Variants in ZMAT4 observed in about 807,000 individuals in gnomAD.
The protein encoded by ZMAT4 is zinc finger matrin-type protein 4.
Under a neutral mutation model 28.7 loss-of-function variants are expected in ZMAT4, and 17 were observed. That is an observed-to-expected ratio of 0.59 (90% CI 0.41 to 0.89). The LOEUF is 0.89. Among genes scored for constraint, ZMAT4 ranks in the 40% least tolerant of loss-of-function variants. The pLI is 0.00. For synonymous variants in ZMAT4, 117 were observed against 109.2 expected, an observed-to-expected ratio of 1.07 and a Z score of -0.44; for missense variants, 240 against 283.8, an observed-to-expected ratio of 0.85 and a Z score of 1.11.
At chr8:40,715,348 G>C (rs1260192244) in intron 3 of ZMAT4, among the ~76,000 whole-genome samples, 1 of 152,128 alleles carries the variant, frequency 6.6e-6, no homozygotes, top group South Asian at 2.1e-4. Flanking sequence ...CTGGTACCCA[G>C]AGTGAGAGGC....
intron 5 of ZMAT4, among the ~76,000 whole-genome samples, chr8:40,657,805 T>C (rs1345456002): frequency 1.3e-5 from 2 of 152,312 alleles, no homozygotes; most frequent in East Asian, 3.9e-4. Flanking sequence ...CAAGAACTTA[T>C]TGAAGACGTT....
intron 2 of ZMAT4, among the ~76,000 whole-genome samples, chr8:40,818,467 G>A (rs374122375): frequency 4.6e-5 from 7 of 152,142 alleles, no homozygotes; most frequent in East Asian, 1.9e-4. Context: ...AGGATATTAC[G>A]AAGATATTAC....
intron 5 of ZMAT4, among the ~76,000 whole-genome samples, chr8:40,625,704 A>G (rs1806349244): frequency 6.6e-6 from 1 of 152,120 alleles, no homozygotes; most frequent in African/African-American, 2.4e-5. Context: ...TAAGGCTGAG[A>G]TATTTAGTAG....
intron 2 of ZMAT4, among the ~76,000 whole-genome samples, chr8:40,798,073 A>C (rs1023634741): frequency 1.8e-4 from 27 of 152,306 alleles, no homozygotes; most frequent in African/African-American, 6.3e-4. Flanking sequence ...GCAAGAGGGC[A>C]CAGTATGTCG....
At chr8:40,774,492 C>G (rs889404604) in intron 2 of ZMAT4, among the ~76,000 whole-genome samples, 2 of 151,912 alleles carry the variant, frequency 1.3e-5, no homozygotes, top group Admixed American at 6.6e-5. Context: ...TTGTTTGAGT[C>G]AACAATCCTA....
intron 5 of ZMAT4, among the ~76,000 whole-genome samples, chr8:40,640,353 T>C (rs2599652): frequency 0.55 from 83,814 of 151,976 alleles, 24,074 homozygotes; most frequent in East Asian, 0.69. Flanking sequence ...CAGAATCCAA[T>C]AGGTCCATTT....
chr8:40,657,694 T>C (rs56041413), intron 5 of ZMAT4, among the ~76,000 whole-genome samples: 19,242 of 152,200 alleles, frequency 0.13, 1,512 homozygotes, highest in African/African-American at 0.22. Flanking sequence ...AATGAGACAA[T>C]GTATAAAGAA....
At chr8:40,881,479 G>GAAAGAAAGAAAGAA (rs1818238168) in intron 1 of ZMAT4, among the ~76,000 whole-genome samples, 1 of 140,804 alleles carries the variant, frequency 7.1e-6, no homozygotes, top group African/African-American at 2.7e-5. Flanking sequence ...AAGAAAGAAA[G>GAAAGAAAGAAAGAA]AAAGAAAGAA....
At chr8:40,809,276 G>T (rs935024900) in intron 2 of ZMAT4, among the ~76,000 whole-genome samples, 1 of 96,418 alleles carries the variant, frequency 1.0e-5, no homozygotes, top group African/African-American at 3.1e-5. Context: ...CATAAAGATG[G>T]GAACAATGGA....
At chr8:40,860,403 A>AT (rs1395657333) in intron 1 of ZMAT4, among the ~76,000 whole-genome samples, 1 of 152,160 alleles carries the variant, frequency 6.6e-6, no homozygotes, top group Non-Finnish European at 1.5e-5. Context: ...AAAACAGACA[A>AT]TTTTTCACTT....
intron 3 of ZMAT4, among the ~76,000 whole-genome samples, chr8:40,732,316 C>A (rs1172063120): frequency 6.6e-6 from 1 of 152,130 alleles, no homozygotes; most frequent in Admixed American, 6.5e-5. Context: ...GAAGGTCAGA[C>A]CCTGCAGCAG....
At position 40,763,932 on chromosome 8, in the gene ZMAT4, T is replaced by C. The variant is rs144554767; in HGVS notation, c.192+3709A>G. Among the ~76,000 whole-genome samples, 43 of 152,160 alleles carry C rather than the reference T, an allele frequency of 2.8e-4. 1 individual carries two copies. The highest frequency in any genetic ancestry group is 2.6e-4 in the Admixed American group (4 of 15,274). On this transcript the variant is annotated intron_variant, in intron 3 of 6. Coordinates refer to ENST00000297737, the MANE Select transcript of ZMAT4 (RefSeq NM_024645.3). ...AAAATACTGTTTACTTAAAACTGACTTGCGATTTTGGTCAGCAGTTACTTA... is the reference window on the plus strand; with the variant it reads ...AAAATACTGTTTACTTAAAACTGACCTGCGATTTTGGTCAGCAGTTACTTA...
intron 1 of ZMAT4, among the ~76,000 whole-genome samples, chr8:40,862,678 G>C (rs1817543981): frequency 6.7e-6 from 1 of 150,326 alleles, no homozygotes; most frequent in Non-Finnish European, 1.5e-5. Context: ...GTAGGGACAT[G>C]GATGAAGCTG....
In ZMAT4 at chr8:40,842,242, A is replaced by G. The variant is rs113813538; in HGVS notation, c.-4-16562T>C. Among the ~76,000 whole-genome samples the G allele has an allele frequency of 7.8e-3, 1,186 of 152,286 alleles. 16 individuals are homozygous for G. Among genetic ancestry groups the G allele is most frequent in the African/African-American group, 0.025 (1,037 of 41,564 alleles). On this transcript the variant is annotated intron_variant, in intron 1 of 6. Coordinates refer to ENST00000297737, the MANE Select transcript of ZMAT4 (RefSeq NM_024645.3). ...ACCAAGTGCACCTCTGTTCTGAGCT[A>G]TACCCTCCCATGGCCTCATCCACTA...
rs183966215 is a variant in ZMAT4 at position 40,699,962 on chromosome 8, C to T, written c.193-2561G>A. 3.6e-4 allele frequency among the ~76,000 whole-genome samples: 55 copies of T among 152,324 alleles called. No homozygotes were observed. The East Asian group carries it at 0.01, about 29-fold the overall frequency. ...CCTAAAGAAAGTCTAGAGGCCCAGA[C>T]ATAGAGGCCAGCATCACCATACAAA... On this transcript the variant is annotated intron_variant, in intron 3 of 6. Coordinates refer to ENST00000297737, the MANE Select transcript of ZMAT4 (RefSeq NM_024645.3).
chr8:40,752,020 C>T (rs1430508432), intron 3 of ZMAT4, among the ~76,000 whole-genome samples: 1 of 152,012 alleles, frequency 6.6e-6, no homozygotes, highest in African/African-American at 2.4e-5. Flanking sequence ...CAGGGTGGAC[C>T]CTCCAGGAGT....
intron 3 of ZMAT4, among the ~76,000 whole-genome samples, chr8:40,756,974 A>G (rs1812724085): frequency 6.6e-6 from 1 of 152,118 alleles, no homozygotes; most frequent in Non-Finnish European, 1.5e-5. Flanking sequence ...AGCTTATTTA[A>G]TGCATGTCTT....
In ZMAT4 at chr8:40,718,304, C is replaced by G. The variant is rs116274540; in HGVS notation, c.193-20903G>C. Among the ~76,000 whole-genome samples the G allele has an allele frequency of 4.7e-3, 714 of 152,334 alleles. 3 individuals carry two copies. Among genetic ancestry groups the G allele is most frequent in the African/African-American group, 0.016 (680 of 41,576 alleles). Reference sequence around the variant, plus strand: ...TGCCATGGAGGTTAGGCTAGCTCTACTCAGACCCCAGCATCCTCTTAGGTA... The same window carrying G: ...TGCCATGGAGGTTAGGCTAGCTCTAGTCAGACCCCAGCATCCTCTTAGGTA... On this transcript the variant is annotated intron_variant, in intron 3 of 6. Transcript: ENST00000297737.
intron 3 of ZMAT4, among the ~76,000 whole-genome samples, chr8:40,747,914 A>G (rs1812304164): frequency 6.6e-6 from 1 of 152,242 alleles, no homozygotes; most frequent in Non-Finnish European, 1.5e-5. Flanking sequence ...CACTCAATGT[A>G]CCAATGAAAC....
Sources: allele counts gnomAD v4.1 joint callset (sites outside exome capture counted in the v4.1 genomes callset), GRCh38; gene constraint gnomAD v4.1.1; transcripts MANE v1.5; gene names NCBI Gene and HGNC (gene_info 2026-07-23, HGNC 2026-07-21).